The following PTPRM variants were observed in gnomAD, a reference collection of about 807,000 sequenced individuals.
The protein encoded by PTPRM is receptor-type tyrosine-protein phosphatase mu.
A neutral mutation model predicts 186.7 loss-of-function variants in PTPRM; 47 were observed. That is an observed-to-expected ratio of 0.25 (90% CI 0.20 to 0.32). The LOEUF is 0.32. Ranked by LOEUF, PTPRM falls within the 10% of genes least tolerant of loss-of-function variation. The pLI is 1.00. For missense variants in PTPRM, 1,494 were observed against 1,865.0 expected, an observed-to-expected ratio of 0.80 and a Z score of 3.66; for synonymous variants, 668 against 674.9, an observed-to-expected ratio of 0.99 and a Z score of 0.16.
chr18:7,670,598 C>T (rs1288294933), intron 1 of PTPRM, among the ~76,000 whole-genome samples: 3 of 152,154 alleles, frequency 2.0e-5, no homozygotes, highest in Non-Finnish European at 2.9e-5. Flanking sequence ...AACATAGGAA[C>T]TGAGAGATAT....
rs2095093702 is a variant in PTPRM, at chr18:8,296,057, G to C, written c.2755-311G>C. Among the ~76,000 whole-genome samples the C allele has an allele frequency of 2.0e-5, 3 of 152,176 alleles. No homozygotes were observed. The South Asian group carries it at 6.2e-4, about 31-fold the overall frequency. On this transcript the variant is annotated intron_variant, in intron 19 of 32. Coordinates refer to ENST00000580170, the MANE Select transcript of PTPRM (RefSeq NM_001105244.2). ...AATTGAGTGAAACATTAATTTCTCT[G>C]TATTAAATATTCAGCTGAGATGGGG...
chr18:8,151,235 C>T (rs2092998970), intron 14 of PTPRM, among the ~76,000 whole-genome samples: 1 of 152,066 alleles, frequency 6.6e-6, no homozygotes, highest in Admixed American at 6.5e-5. Flanking sequence ...CCCACAGCTG[C>T]CCTTTCCCCC....
intron 7 of PTPRM, among the ~76,000 whole-genome samples, chr18:7,966,971 G>T (rs1410231277): frequency 8.4e-6 from 1 of 119,742 alleles, no homozygotes; most frequent in East Asian, 2.2e-4. Flanking sequence ...TAGGAGGCCT[G>T]CCTGCCTCTG....
At chr18:8,176,274 CAAAG>C (rs1239302196) in intron 14 of PTPRM, among the ~76,000 whole-genome samples, 1 of 151,928 alleles carries the variant, frequency 6.6e-6, no homozygotes, top group Admixed American at 6.6e-5. Context: ...AACAAGCTAA[CAAAG>C]AAGGCTGTGT....
intron 14 of PTPRM, among the ~76,000 whole-genome samples, chr18:8,160,039 AG>A (rs1299391597): frequency 2.0e-5 from 3 of 152,122 alleles, no homozygotes; most frequent in Non-Finnish European, 4.4e-5. Flanking sequence ...AATGAATAGG[AG>A]TACCTTTAAA....
At chr18:7,721,905 A>G (rs933725421) in intron 1 of PTPRM, among the ~76,000 whole-genome samples, 1 of 152,174 alleles carries the variant, frequency 6.6e-6, no homozygotes, top group Non-Finnish European at 1.5e-5. Flanking sequence ...GAGTTCCTAT[A>G]TATTCCTTCT....
intron 14 of PTPRM, among the ~76,000 whole-genome samples, chr18:8,201,247 C>T (rs1316563308): frequency 2.0e-5 from 3 of 152,174 alleles, no homozygotes; most frequent in Non-Finnish European, 4.4e-5. Context: ...ACCTGGGAGG[C>T]GGAGGTTGCA....
rs1178603481 is a variant in PTPRM, at chr18:8,125,976, CATATATATAT to C, written c.2167+11192_2167+11201del. Among the ~76,000 whole-genome samples, 217 of 59,700 alleles carry C rather than the reference CATATATATAT, an allele frequency of 3.6e-3. 1 individual carries two copies. Among genetic ancestry groups the C allele is most frequent in the East Asian group, 0.027 (31 of 1,132 alleles). The allele number at this position is 59,700 out of a possible 152,430, so 39.2% of individuals were successfully genotyped here. Reference sequence around the variant, plus strand: ...GGAGAATGCTATATGTGTGTGTATACATATATATATATATATATATATATATATATATATA... The same window carrying C: ...GGAGAATGCTATATGTGTGTGTATACATATATATATATATATATATATATA... On this transcript the variant is annotated intron_variant, in intron 13 of 32. Coordinates refer to ENST00000580170, the MANE Select transcript of PTPRM (RefSeq NM_001105244.2).
intron 13 of PTPRM, among the ~76,000 whole-genome samples, chr18:8,135,975 G>C (rs2092628967): frequency 6.6e-6 from 1 of 152,236 alleles, no homozygotes; most frequent in East Asian, 1.9e-4. Flanking sequence ...ACTACTTTGT[G>C]TAGGAAGCTG....
chr18:7,766,340 G>A (rs1568098520), intron 1 of PTPRM, among the ~76,000 whole-genome samples: 1 of 152,192 alleles, frequency 6.6e-6, no homozygotes, highest in Non-Finnish European at 1.5e-5. Flanking sequence ...ACAAGAGATG[G>A]GTTAGTACAA....
intron 2 of PTPRM, among the ~76,000 whole-genome samples, chr18:7,819,211 G>A (rs2045027726): frequency 6.6e-6 from 1 of 152,132 alleles, no homozygotes; most frequent in Non-Finnish European, 1.5e-5. Context: ...GGACATAGGT[G>A]AGGACAGGCA....
chr18:7,880,801 G>T (rs939025550), intron 2 of PTPRM, among the ~76,000 whole-genome samples: 4 of 152,252 alleles, frequency 2.6e-5, no homozygotes, highest in Admixed American at 2.6e-4. Flanking sequence ...GTGTAACCTG[G>T]TATTATGATA....
At chr18:8,097,931 G>A (rs1317720636) in intron 11 of PTPRM, among the ~76,000 whole-genome samples, 5 of 152,198 alleles carry the variant, frequency 3.3e-5, no homozygotes, top group African/African-American at 1.2e-4. Context: ...GTATACAGCA[G>A]TGGTCCTGAA....
At chr18:8,041,812 A>G (rs550404923) in intron 7 of PTPRM, among the ~76,000 whole-genome samples, 32 of 152,350 alleles carry the variant, frequency 2.1e-4, no homozygotes, top group Non-Finnish European at 4.4e-4. Context: ...TCTTTCATTT[A>G]TCAGCTAGAC....
intron 3 of PTPRM, among the ~76,000 whole-genome samples, chr18:7,890,863 T>C (rs1599320511): frequency 6.6e-6 from 1 of 152,336 alleles, no homozygotes; most frequent in Non-Finnish European, 1.5e-5. Context: ...AATTTAATGA[T>C]ACATTTAAGG....
chr18:8,272,298 T>G (rs754722663), intron 19 of PTPRM, among the ~76,000 whole-genome samples: 15 of 152,116 alleles, frequency 9.9e-5, no homozygotes, highest in Non-Finnish European at 2.2e-4. Context: ...TTTTAAAAAT[T>G]TCTTTTAATA....
chr18:8,044,502 C>G (rs1043921788), intron 7 of PTPRM, among the ~76,000 whole-genome samples: 2 of 151,926 alleles, frequency 1.3e-5, no homozygotes, highest in Non-Finnish European at 2.9e-5. Flanking sequence ...CATGTTGTGC[C>G]TGTAATCACT....
At chr18:8,021,309 A>G (rs1245476411) in intron 7 of PTPRM, among the ~76,000 whole-genome samples, 2 of 133,898 alleles carry the variant, frequency 1.5e-5, no homozygotes, top group Non-Finnish European at 3.1e-5. Context: ...GTGCTTAAGC[A>G]TAAAAGAGAC....
chr18:7,699,727 GTT>G (rs57074624), intron 1 of PTPRM, among the ~76,000 whole-genome samples: 86,519 of 148,968 alleles, frequency 0.58, 25,682 homozygotes, highest in East Asian at 0.97. Flanking sequence ...TAACTTACAA[GTT>G]TTTTTTTTTT....
Sources: gnomAD v4.1 joint callset for allele counts (sites outside exome capture counted in the v4.1 genomes callset) on GRCh38, gnomAD v4.1.1 for gene constraint, MANE v1.5 for transcripts, NCBI Gene and HGNC (gene_info 2026-07-23, HGNC 2026-07-21) for gene names.